BCAR3: variants seen among roughly 807,000 people sequenced by gnomAD.
The protein encoded by BCAR3 is breast cancer anti-estrogen resistance protein 3.
A neutral mutation model predicts 80.1 loss-of-function variants in BCAR3; 37 were observed. That is an observed-to-expected ratio of 0.46 (90% CI 0.36 to 0.61). The LOEUF (loss-of-function observed/expected upper bound fraction) is 0.61, where lower values mean the gene tolerates loss of function less well. Among genes scored for constraint, BCAR3 ranks in the 20% least tolerant of loss-of-function variants. BCAR3 has a pLI of 0.00. For synonymous variants in BCAR3, 389 were observed against 418.9 expected (o/e 0.93, Z 0.87); for missense variants, 978 against 1,068.2 (o/e 0.92, Z 1.18).
chr1:93,641,508 T>C (rs1675976386), intron 3 of BCAR3, among the ~76,000 whole-genome samples: 2 of 152,184 alleles, frequency 1.3e-5, no homozygotes, highest in Non-Finnish European at 2.9e-5. Flanking sequence ...GGTGACAGAA[T>C]ACAGTTTCAA....
intron 3 of BCAR3, among the ~76,000 whole-genome samples, chr1:93,617,721 C>T: frequency 6.6e-6 from 1 of 152,216 alleles, no homozygotes; most frequent in East Asian, 1.9e-4. Context: ...TGAGCCAGGG[C>T]ATGAGGCTGA....
chr1:93,684,889 C>T (rs1270203576), upstream of BCAR3, among the ~76,000 whole-genome samples: 2 of 152,098 alleles, frequency 1.3e-5, no homozygotes, highest in African/African-American at 2.4e-5. Flanking sequence ...GCCAGCATGC[C>T]CAGCTAATTT....
At chr1:93,585,053 TAAGAC>T in intron 5 of BCAR3, 2 of 985,426 alleles carry the variant, frequency 2.0e-6, no homozygotes, top group South Asian at 4.7e-5. Flanking sequence ...CTTTCGAAGA[TAAGAC>T]AAGACCGAGG....
intron 2 of BCAR3, among the ~76,000 whole-genome samples, chr1:93,817,053 G>T (rs576226732): frequency 6.6e-6 from 1 of 152,104 alleles, no homozygotes; most frequent in Non-Finnish European, 1.5e-5. Flanking sequence ...GGATGGTTCC[G>T]CAATATCTGC....
chr1:93,589,243 C>A lies in BCAR3; in HGVS notation c.663G>T (p.Met221Ile). Residue 221 changes from methionine to isoleucine, a missense_variant, in exon 5 of 12, where the codon ATG (methionine) becomes ATT (isoleucine). Met to Ile is a conservative substitution (Grantham distance 10). Coordinates refer to ENST00000260502, the MANE Select transcript of BCAR3 (RefSeq NM_003567.4). Reference sequence around the variant, plus strand: ...GGCCGGGGATGGAGTCGAAGCTCTCCATCTCGAACTGGTACTGCACGCGGC... The same window carrying A: ...GGCCGGGGATGGAGTCGAAGCTCTCAATCTCGAACTGGTACTGCACGCGGC... ...AYSRVQYQFEMESFDSIPGLV... is the reference protein window; with the variant it reads ...AYSRVQYQFEIESFDSIPGLV... The A allele has an allele frequency of 1.2e-6, 2 of 1,614,168 alleles. No homozygotes were observed. The highest frequency in any genetic ancestry group is 1.1e-5 in the South Asian group (1 of 91,078).
chr1:93,581,767 T>C (rs1478795610), intron 7 of BCAR3, among the ~76,000 whole-genome samples: 9 of 152,242 alleles, frequency 5.9e-5, no homozygotes, highest in Admixed American at 5.9e-4. Flanking sequence ...GCTTTAAAGA[T>C]GTTTATACTA....
At chr1:93,812,040 C>T (rs1182419352) in intron 2 of BCAR3, among the ~76,000 whole-genome samples, 1 of 152,124 alleles carries the variant, frequency 6.6e-6, no homozygotes, top group Non-Finnish European at 1.5e-5. Flanking sequence ...TGAAGATGTT[C>T]ATATGAAAGC....
At position 93,567,379 on chromosome 1, in the gene BCAR3, G is replaced by A. The variant is rs144294543; in HGVS notation, c.2199C>T (p.Asn733=). The change falls in exon 11 of 12, where the codon AAC becomes AAT. Residue 733 remains asparagine (N), a synonymous_variant. Transcript: ENST00000260502. ...TCAGCATGATTTCACAGCTCTGGTC[G>A]TTTTTTTCCCACATGTCGGTTCCTT... ...TFEGTDMWEK[N]DQSCEIMLNH... 6.7e-5 allele frequency: 108 copies of A among 1,614,108 alleles called. No individual in the cohort carries two copies. In the African/African-American group the frequency reaches 1.1e-3, roughly 16 times the overall value.
intron 3 of BCAR3, among the ~76,000 whole-genome samples, chr1:93,619,530 C>A (rs1194241586): frequency 6.6e-6 from 1 of 152,224 alleles, no homozygotes; most frequent in Non-Finnish European, 1.5e-5. Context: ...GCCATCTCAG[C>A]TCCTGGGTTT....
At position 93,731,682 on chromosome 1, in the gene BCAR3, T is replaced by A. The variant is rs559164844; in HGVS notation, c.-62-25540A>T. 9.2e-4 allele frequency among the ~76,000 whole-genome samples: 131 copies of A among 143,162 alleles called. 4 individuals carry two copies. The South Asian group carries it at 0.028, about 31-fold the overall frequency. The allele number at this position is 143,162 out of a possible 152,430, so 93.9% of individuals were successfully genotyped here. On this transcript the variant is annotated intron_variant, in intron 2 of 13. Coordinates refer to the BCAR3 transcript ENST00000370244. ...TAAAATAAAATAAAATAAAATAAAA[T>A]AAAATAAAATATTTCAAGTGCCACC...
At chr1:93,739,631 T>C (rs1369233663) in intron 2 of BCAR3, among the ~76,000 whole-genome samples, 1 of 152,184 alleles carries the variant, frequency 6.6e-6, no homozygotes, top group East Asian at 1.9e-4. Context: ...TTAATAACTT[T>C]AGAATGAGGC....
chr1:93,637,101 A>G (rs187914669), intron 3 of BCAR3, among the ~76,000 whole-genome samples: 1 of 152,172 alleles, frequency 6.6e-6, no homozygotes, highest in Admixed American at 6.5e-5. Flanking sequence ...GTCTCAAAAA[A>G]CAAAACAAAC....
intron 2 of BCAR3, among the ~76,000 whole-genome samples, chr1:93,667,756 G>A (rs1328083314): frequency 6.6e-6 from 1 of 152,162 alleles, no homozygotes; most frequent in Non-Finnish European, 1.5e-5. Context: ...CTAGCCTCTT[G>A]GTGACAGACT....
intron 11 of BCAR3, 82 bp downstream of exon 11, chr1:93,567,197 G>C (rs1488939552): frequency 1.3e-6 from 2 of 1,507,854 alleles, no homozygotes; most frequent in African/African-American, 1.4e-5. Context: ...CTTTTTCTAA[G>C]TGAAGTCAGC....
intron 2 of BCAR3, among the ~76,000 whole-genome samples, chr1:93,838,585 T>C (rs1414901076): frequency 6.6e-6 from 1 of 152,216 alleles, no homozygotes; most frequent in Admixed American, 6.5e-5. Context: ...ATTACTAGTG[T>C]TGAAAAACTT....
intron 2 of BCAR3, among the ~76,000 whole-genome samples, chr1:93,839,410 T>C (rs998924925): frequency 1.3e-5 from 2 of 152,242 alleles, no homozygotes; most frequent in Non-Finnish European, 2.9e-5. Flanking sequence ...TGATCTCATC[T>C]ATGGGTCTAT....
intron 2 of BCAR3, among the ~76,000 whole-genome samples, chr1:93,777,146 T>C (rs1652578030): frequency 6.6e-6 from 1 of 152,144 alleles, no homozygotes; most frequent in South Asian, 2.1e-4. Context: ...AGAATTCTTT[T>C]CTAGAGGCTT....
intron 3 of BCAR3, among the ~76,000 whole-genome samples, chr1:93,608,442 C>G (rs1009338595): frequency 6.6e-6 from 1 of 152,222 alleles, no homozygotes; most frequent in Non-Finnish European, 1.5e-5. Context: ...AGGCCTGGGT[C>G]CCCCGTGCAC....
At chr1:93,604,776 G>C (rs200898082) in intron 3 of BCAR3, among the ~76,000 whole-genome samples, 1 of 152,188 alleles carries the variant, frequency 6.6e-6, no homozygotes, top group Admixed American at 6.5e-5. Context: ...TGAAAACTTC[G>C]GGTAGAATTC....
Sources: allele counts gnomAD v4.1 joint callset (sites outside exome capture counted in the v4.1 genomes callset), GRCh38; gene constraint gnomAD v4.1.1; transcripts MANE v1.5; gene names NCBI Gene and HGNC (gene_info 2026-07-23, HGNC 2026-07-21).